Variants in DENND4A observed in about 807,000 individuals in gnomAD.
The protein encoded by DENND4A is C-myc promoter-binding protein.
In DENND4A, 70 loss-of-function variants were observed where a neutral mutation model predicts 199.3. That is an observed-to-expected ratio of 0.35 (90% CI 0.29 to 0.43). The LOEUF is 0.43. Among genes scored for constraint, DENND4A ranks in the 20% least tolerant of loss-of-function variants. The probability of loss-of-function intolerance (pLI) is 1.00; values close to 1 mark genes in which losing one functional copy is unlikely to be tolerated. For synonymous variants in DENND4A, 686 were observed against 766.9 expected (o/e 0.89, Z 1.74); for missense variants, 1,723 against 2,255.8 (o/e 0.76, Z 4.78).
At chr15:65,677,928 T>TC (rs538032317) in intron 23 of DENND4A, among the ~76,000 whole-genome samples, 1 of 84,924 alleles carries the variant, frequency 1.2e-5, no homozygotes, top group Non-Finnish European at 2.6e-5. Context: ...CTCTTATCTC[T>TC]TTTTTTTTTT....
intron 9 of DENND4A, 74 bp downstream of exon 9, chr15:65,731,568 A>G: frequency 8.8e-7 from 1 of 1,136,156 alleles, no homozygotes; most frequent in Admixed American, 2.3e-5. Flanking sequence ...TTGAAATTTT[A>G]GCTAGGAAAA....
Position 65,752,568 on chromosome 15 carries a change from G to A in DENND4A, c.372C>T (p.Pro124=). 6.2e-7 allele frequency: 1 copy of A among 1,607,602 alleles called. No individual in the cohort carries two copies. Among genetic ancestry groups the A allele is most frequent in the Non-Finnish European group, 8.5e-7 (1 of 1,176,210 alleles). Residue 124 remains proline, a synonymous_variant, in exon 4 of 33, where the codon CCC becomes CCT. Transcript: ENST00000443035. ...KQGCEIIQST[P]YGRPANISGS... ...CACTAATATTTGCGGGGCGCCCATA[G>A]GGAGTACTCTGAATAATTTCACAAC... is the stretch of plus-strand genomic sequence containing the variant.
intron 24 of DENND4A, among the ~76,000 whole-genome samples, chr15:65,675,900 A>T (rs1437698078): frequency 2.0e-5 from 3 of 152,110 alleles, no homozygotes; most frequent in Non-Finnish European, 4.4e-5. Context: ...GCATTATAGC[A>T]TTAGAAAAAC....
At chr15:65,716,249 TTTA>T (rs1404173406) in intron 13 of DENND4A, among the ~76,000 whole-genome samples, 116 of 152,024 alleles carry the variant, frequency 7.6e-4, no homozygotes, top group African/African-American at 2.7e-3. Flanking sequence ...TTATTTTTCT[TTTA>T]TTATTATTAT....
intron 12 of DENND4A, among the ~76,000 whole-genome samples, chr15:65,718,760 CTTTTTTTT>C (rs1038227560): frequency 5.9e-5 from 4 of 67,768 alleles, no homozygotes; most frequent in Admixed American, 2.0e-4. Flanking sequence ...GTTTTTTTTC[CTTTTTTTT>C]TTTTTTTTTT....
intron 14 of DENND4A, among the ~76,000 whole-genome samples, chr15:65,706,740 C>T (rs1330820040): frequency 6.6e-6 from 1 of 152,066 alleles, no homozygotes; most frequent in Non-Finnish European, 1.5e-5. Flanking sequence ...GTGATCTGCC[C>T]GCCTTGGCCT....
intron 23 of DENND4A, among the ~76,000 whole-genome samples, chr15:65,681,954 G>A (rs570514173): frequency 2.0e-5 from 3 of 152,312 alleles, no homozygotes; most frequent in Non-Finnish European, 4.4e-5. Context: ...TTTCTGAGCA[G>A]TAGGTCTCAA....
At chr15:65,754,113 C>T (rs927184053) in intron 3 of DENND4A, among the ~76,000 whole-genome samples, 1 of 151,862 alleles carries the variant, frequency 6.6e-6, no homozygotes, top group African/African-American at 2.4e-5. Flanking sequence ...GGATTACAGG[C>T]ATGAGCCACT....
rs2076702297 is a variant in DENND4A, at chr15:65,756,437, T to C, written c.14A>G (p.Lys5Arg). 3.7e-6 allele frequency: 6 copies of C among 1,606,390 alleles called. No homozygotes were observed. The highest frequency in any genetic ancestry group is 1.1e-5 in the South Asian group (1 of 89,734). Residue 5 changes from lysine to arginine, a missense_variant, in exon 3 of 33, where the codon AAG becomes AGG. This residue lies in a region of DENND4A where 725 missense variants were observed against 952.9 expected (regional missense o/e 0.76). Transcript: ENST00000443035. Reference sequence around the variant, plus strand: ...AAAGTAGTCAGCAACACGAGGCCCCTTGTCTTCAATCATCTTCCATTACAG... The same window carrying C: ...AAAGTAGTCAGCAACACGAGGCCCCCTGTCTTCAATCATCTTCCATTACAG... MIED[K>R]GPRVADYFVV...
chr15:65,661,950 A>C lies in DENND4A; in HGVS notation c.5625T>G (p.Arg1875=). Residue 1875 remains arginine (R), a synonymous_variant, in exon 33 of 33, where the codon CGT becomes CGG. Coordinates refer to ENST00000443035, the MANE Select transcript of DENND4A (RefSeq NM_001320835.1). ...TACTCTTGACTTGACTAGGTGTGAG[A>C]CGATCGTATGCCATCTTGTACTCTT... is the stretch of plus-strand genomic sequence containing the variant. The part of the protein sequence containing the change: ...FDKEYKMAYD[R]LTPSQVKSTH... 6.2e-7 allele frequency: 1 copy of C among 1,613,250 alleles called. No homozygotes were observed. Among genetic ancestry groups the C allele is most frequent in the Non-Finnish European group, 8.5e-7 (1 of 1,179,526 alleles).
chr15:65,693,855 G>A (rs898479670), intron 22 of DENND4A, among the ~76,000 whole-genome samples: 1 of 151,802 alleles, frequency 6.6e-6, no homozygotes, highest in Non-Finnish European at 1.5e-5. Flanking sequence ...GGCAGGATCC[G>A]TGTTTATTTT....
Position 65,669,729 on chromosome 15 carries a change from T to C in DENND4A, c.4787+50A>G, listed in dbSNP as rs2076160014. ...TAATTTTTCTGTCATACTTCTAAAA[T>C]ATGTGTAAATATATGTTGTTAAAAT... On this transcript the variant is annotated intron_variant, in intron 27 of 32. Transcript: ENST00000443035. 4 of 1,469,856 alleles carry C rather than the reference T, an allele frequency of 2.7e-6. No individual in the cohort carries two copies. The African/African-American group carries it at 4.3e-5, about 16-fold the overall frequency. 91.1% of individuals were successfully genotyped at this position (1,469,856 alleles called of 1,614,324 possible).
intron 4 of DENND4A, among the ~76,000 whole-genome samples, chr15:65,743,252 G>C (rs1206649758): frequency 6.6e-6 from 1 of 152,060 alleles, no homozygotes; most frequent in Non-Finnish European, 1.5e-5. Context: ...ATCACCTAAA[G>C]GCCCTAATCA....
At chr15:65,750,258 C>T (rs751883588) in intron 4 of DENND4A, among the ~76,000 whole-genome samples, 22 of 152,056 alleles carry the variant, frequency 1.4e-4, no homozygotes, top group Non-Finnish European at 2.6e-4. Flanking sequence ...TGCATTTTCT[C>T]GCTTATAAGT....
chr15:65,755,140 C>CA (rs1192747494), intron 3 of DENND4A, among the ~76,000 whole-genome samples: 2 of 151,926 alleles, frequency 1.3e-5, no homozygotes, highest in Non-Finnish European at 1.5e-5. Context: ...AGAAGTCAGT[C>CA]AAAAAAGATC....
chr15:65,760,251 CT>C (rs2076817771), intron 2 of DENND4A, among the ~76,000 whole-genome samples: 1 of 152,142 alleles, frequency 6.6e-6, no homozygotes, highest in Non-Finnish European at 1.5e-5. Flanking sequence ...AATCCCAGCA[CT>C]TTGGAAGGCC....
Position 65,747,104 on chromosome 15 carries a change from TA to T in DENND4A, c.561+5274del, listed in dbSNP as rs11396585. On this transcript the variant is annotated intron_variant, in intron 4 of 32. Coordinates refer to ENST00000443035, the MANE Select transcript of DENND4A (RefSeq NM_001320835.1). ...CTGGGTGACAAAGTGAGACTCTGTTTAAAAAAAAAAAAAAATACTCTTAACG... is the reference window on the plus strand; with the variant it reads ...CTGGGTGACAAAGTGAGACTCTGTTTAAAAAAAAAAAAAATACTCTTAACG... Among the ~76,000 whole-genome samples the T allele has an allele frequency of 3.4e-3, 484 of 141,926 alleles. 1 individual carries two copies. The highest frequency in any genetic ancestry group is 6.9e-3 in the Middle Eastern group (2 of 288). The allele number at this position is 141,926 out of a possible 152,430, so 93.1% of individuals were successfully genotyped here. A position where few individuals can be genotyped will look rare whatever the true frequency, so the allele number is the denominator to read the frequency against.
chr15:65,695,972 A>G (rs896430168), intron 22 of DENND4A, among the ~76,000 whole-genome samples: 1 of 152,134 alleles, frequency 6.6e-6, no homozygotes, highest in Non-Finnish European at 1.5e-5. Flanking sequence ...TACTTAAACT[A>G]TCTGAAGGAC....
rs573935476 is a variant in DENND4A, at chr15:65,746,369, CTTTTTT to C, written c.562-4591_562-4586del. ...CTTGTTAACAATTCTACTTTTTTCT[CTTTTTT>C]TTTTTTTTTTTTTTTTTTTTTTTTT... On this transcript the variant is annotated intron_variant, in intron 4 of 32. Coordinates refer to ENST00000443035, the MANE Select transcript of DENND4A (RefSeq NM_001320835.1). 2.3e-4 allele frequency among the ~76,000 whole-genome samples: 12 copies of C among 51,300 alleles called. No individual in the cohort carries two copies. In the South Asian group the frequency reaches 3.8e-3, roughly 16 times the overall value. The allele number at this position is 51,300 out of a possible 152,430, so 33.7% of individuals were successfully genotyped here. A position where few individuals can be genotyped will look rare whatever the true frequency, so the allele number is the denominator to read the frequency against.
Sources: gnomAD v4.1 joint callset for allele counts (sites outside exome capture counted in the v4.1 genomes callset) on GRCh38, gnomAD v4.1.1 for gene constraint, gnomAD v4.1.1 regional missense constraint, MANE v1.5 for transcripts, NCBI Gene and HGNC (gene_info 2026-07-23, HGNC 2026-07-21) for gene names.